Variants in NAT1 observed in about 807,000 individuals in gnomAD.
NAT1 encodes the protein N-acetyltransferase 1.
For missense variants in NAT1, 400 were observed against 339.2 expected (o/e 1.18, Z -1.41); for synonymous variants, 144 against 122.6 (o/e 1.17, Z -1.16).
At chr8:18,210,824 G>T (rs1220584992) in intron 1 of NAT1, among the ~76,000 whole-genome samples, 3 of 152,188 alleles carry the variant, frequency 2.0e-5, no homozygotes, top group Non-Finnish European at 4.4e-5. Flanking sequence ...GCCCAGGCTG[G>T]AGTGCAGTGG....
chr8:18,201,413 G>A (rs964161291), intron 2 of NAT1, among the ~76,000 whole-genome samples: 3 of 152,032 alleles, frequency 2.0e-5, no homozygotes, highest in Non-Finnish European at 4.4e-5. Flanking sequence ...CTGCAATCAG[G>A]CATCCAGGAC....
At chr8:18,188,182 A>G (rs535840930) in intron 2 of NAT1, among the ~76,000 whole-genome samples, 1 of 152,354 alleles carries the variant, frequency 6.6e-6, no homozygotes, top group South Asian at 2.1e-4. Flanking sequence ...GTCTGTATGT[A>G]TGTGATTTCA....
chr8:18,184,603 C>A (rs1345247442), intron 2 of NAT1, among the ~76,000 whole-genome samples: 1 of 152,168 alleles, frequency 6.6e-6, no homozygotes, highest in Non-Finnish European at 1.5e-5. Context: ...TAATTAACAG[C>A]ATTTTAAGTA....
intron 2 of NAT1, among the ~76,000 whole-genome samples, chr8:18,219,874 G>T (rs1334211231): frequency 6.6e-6 from 1 of 152,108 alleles, no homozygotes; most frequent in Non-Finnish European, 1.5e-5. Context: ...GGAGGGGAAG[G>T]GTGGAGGGAG....
intron 1 of NAT1, among the ~76,000 whole-genome samples, chr8:18,210,395 A>G (rs201440189): frequency 6.6e-5 from 10 of 152,216 alleles, no homozygotes; most frequent in Admixed American, 2.0e-4. Flanking sequence ...GTTTACAGTC[A>G]CAGCCACTTT....
chr8:18,212,010 G>C (rs1364933189), intron 1 of NAT1, among the ~76,000 whole-genome samples: 1 of 152,020 alleles, frequency 6.6e-6, no homozygotes, highest in African/African-American at 2.4e-5. Flanking sequence ...GACTACCTCT[G>C]GGTTAAACTG....
chr8:18,189,394 C>G lies in NAT1; in HGVS notation n.92+18655C>G, dbSNP rs914722149. On this transcript the variant is annotated intron_variant and non_coding_transcript_variant, in intron 2 of 4. Coordinates refer to the NAT1 transcript ENST00000517441. Reference sequence around the variant, plus strand: ...AGCACCTCTCATTTGGAGAGTAGTACGAGATGGGAAAAGAGAGCAATACTC... The same window carrying G: ...AGCACCTCTCATTTGGAGAGTAGTAGGAGATGGGAAAAGAGAGCAATACTC... Among the ~76,000 whole-genome samples the G allele has an allele frequency of 6.6e-5, 10 of 151,906 alleles. No homozygotes were observed. In the South Asian group the frequency reaches 8.3e-4, roughly 13 times the overall value.
At chr8:18,176,207 T>A (rs1802288849) in intron 2 of NAT1, among the ~76,000 whole-genome samples, 1 of 152,124 alleles carries the variant, frequency 6.6e-6, no homozygotes, top group South Asian at 2.1e-4. Context: ...AGTTTCTGAG[T>A]TGAATGTGAT....
At chr8:18,216,600 C>T (rs1353927807) in intron 1 of NAT1, among the ~76,000 whole-genome samples, 5 of 152,148 alleles carry the variant, frequency 3.3e-5, no homozygotes, top group Non-Finnish European at 7.3e-5. Context: ...CCAGTGGCAT[C>T]GCTTATAGGT....
intron 2 of NAT1, among the ~76,000 whole-genome samples, chr8:18,194,776 G>A (rs530705778): frequency 1.1e-4 from 16 of 150,658 alleles, no homozygotes; most frequent in Non-Finnish European, 2.2e-4. Context: ...GTTGAGAGAC[G>A]CCACTGCACT....
At chr8:18,194,575 C>T (rs1281038332) in intron 2 of NAT1, among the ~76,000 whole-genome samples, 1 of 152,048 alleles carries the variant, frequency 6.6e-6, no homozygotes, top group Admixed American at 6.5e-5. Flanking sequence ...AATCCCAGTA[C>T]TTTGGGAGGC....
chr8:18,191,362 C>G (rs1239771958), intron 2 of NAT1, among the ~76,000 whole-genome samples: 1 of 152,072 alleles, frequency 6.6e-6, no homozygotes, highest in African/African-American at 2.4e-5. Context: ...TTTATAAAAA[C>G]TTTTATGTAT....
chr8:18,210,374 C>T (rs1295454874), intron 1 of NAT1, among the ~76,000 whole-genome samples, 194 bp downstream of exon 1: 1 of 152,138 alleles, frequency 6.6e-6, no homozygotes, highest in Non-Finnish European at 1.5e-5. Context: ...GTCCTTGATT[C>T]AAACTGTTGG....
chr8:18,194,443 C>T (rs1385531337), intron 2 of NAT1, among the ~76,000 whole-genome samples: 2 of 152,162 alleles, frequency 1.3e-5, no homozygotes, highest in African/African-American at 4.8e-5. Flanking sequence ...GTTGAGTCCA[C>T]TTGTGATGGT....
intron 1 of NAT1, among the ~76,000 whole-genome samples, chr8:18,219,031 A>G (rs1010463823): frequency 6.6e-6 from 1 of 152,068 alleles, no homozygotes; most frequent in African/African-American, 2.4e-5. Context: ...CTAGCACTAC[A>G]TCCTGGTCTT....
chr8:18,218,470 C>T (rs528105819), intron 1 of NAT1, among the ~76,000 whole-genome samples: 19 of 152,224 alleles, frequency 1.2e-4, no homozygotes, highest in Non-Finnish European at 2.5e-4. Flanking sequence ...GGACTTAAAA[C>T]GTGAGATCAT....
At chr8:18,206,793 G>A (rs888771616), upstream of NAT1, among the ~76,000 whole-genome samples, 1 of 152,020 alleles carries the variant, frequency 6.6e-6, no homozygotes, top group African/African-American at 2.4e-5. Flanking sequence ...AGTTTCTTTT[G>A]CTTTAATTAG....
intron 2 of NAT1, among the ~76,000 whole-genome samples, chr8:18,192,577 CTT>C (rs921319480): frequency 2.0e-5 from 3 of 152,146 alleles, no homozygotes; most frequent in African/African-American, 7.2e-5. Context: ...ATAGCAAAGA[CTT>C]GGAACCAACC....
chr8:18,211,977 C>A (rs571956553), intron 1 of NAT1, among the ~76,000 whole-genome samples: 8 of 152,288 alleles, frequency 5.3e-5, no homozygotes, highest in Admixed American at 5.2e-4. Flanking sequence ...GCCTTAAGGC[C>A]TTACAGCCCT....
Sources: gnomAD v4.1 joint callset for allele counts (sites outside exome capture counted in the v4.1 genomes callset) on GRCh38, gnomAD v4.1.1 for gene constraint, MANE v1.5 for transcripts, NCBI Gene and HGNC (gene_info 2026-07-23, HGNC 2026-07-21) for gene names.